The following TRMT11 variants were observed in gnomAD, a reference collection of about 807,000 sequenced individuals.
The protein encoded by TRMT11 is tRNA (guanine(10)-N(2))-methyltransferase TRMT11.
Under a neutral mutation model 62.8 loss-of-function variants are expected in TRMT11, and 53 were observed. That is an observed-to-expected ratio of 0.84 (90% CI 0.68 to 1.06). The LOEUF (loss-of-function observed/expected upper bound fraction) is 1.06, where lower values mean the gene tolerates loss of function less well. TRMT11 is among the 50% of genes least tolerant of loss of function. The probability of loss-of-function intolerance (pLI) is 0.00; values close to 1 mark genes in which losing one functional copy is unlikely to be tolerated. For synonymous variants in TRMT11, 188 were observed against 190.3 expected, an observed-to-expected ratio of 0.99 and a Z score of 0.10; for missense variants, 556 against 553.4, an observed-to-expected ratio of 1.00 and a Z score of -0.05.
At chr6:126,054,691 T>TCTTGGATCA (rs1316436441) in intron 17 of TRMT11, among the ~76,000 whole-genome samples, 1 of 152,218 alleles carries the variant, frequency 6.6e-6, no homozygotes. Flanking sequence ...AAATGAGCTG[T>TCTTGGATCA]TGAAGTGTCA....
At chr6:126,252,300 G>A in the TRMT11 span, among the ~76,000 whole-genome samples, 2 of 152,138 alleles carry the variant, frequency 1.3e-5, no homozygotes, top group African/African-American at 4.8e-5. Flanking sequence ...GATGACTGAG[G>A]GTCAGGTTCA....
intron 21 of TRMT11, among the ~76,000 whole-genome samples, chr6:126,129,105 A>G (rs544829891): frequency 1.4e-4 from 22 of 152,170 alleles, no homozygotes; most frequent in African/African-American, 5.1e-4. Flanking sequence ...TCATTTATAA[A>G]ATGAAGAAGC....
chr6:126,206,866 T>A (rs2128255213), downstream of TRMT11, among the ~76,000 whole-genome samples: 1 of 152,350 alleles, frequency 6.6e-6, no homozygotes, highest in East Asian at 1.9e-4. Context: ...TTTTCTTGAA[T>A]GCAACAAGGT....
chr6:126,054,127 C>G (rs1171326878), intron 17 of TRMT11, among the ~76,000 whole-genome samples: 1 of 152,188 alleles, frequency 6.6e-6, no homozygotes, highest in Admixed American at 6.5e-5. Flanking sequence ...CTCCTCTCCC[C>G]TTTGGTAATG....
chr6:126,113,112 C>A (rs1286986747), intron 18 of TRMT11, among the ~76,000 whole-genome samples: 3 of 152,030 alleles, frequency 2.0e-5, no homozygotes, highest in Non-Finnish European at 4.4e-5. Flanking sequence ...AAGCAAACAA[C>A]CATGATACAA....
At chr6:126,237,310 C>A in the TRMT11 span, among the ~76,000 whole-genome samples, 1 of 152,150 alleles carries the variant, frequency 6.6e-6, no homozygotes, top group African/African-American at 2.4e-5. Context: ...CTTAAAAATT[C>A]TTTCCGTCTA....
chr6:126,153,264 G>A (rs1310086289), intron 21 of TRMT11, among the ~76,000 whole-genome samples: 1 of 151,990 alleles, frequency 6.6e-6, no homozygotes, highest in Admixed American at 6.6e-5. Context: ...TTTTAAAAGG[G>A]CTAATAACTT....
At chr6:126,257,955 C>T in the TRMT11 span, 9 of 1,557,504 alleles carry the variant, frequency 5.8e-6, no homozygotes, top group South Asian at 1.1e-5. Flanking sequence ...CTTCTGCATG[C>T]CCCGGATCTT....
intron 18 of TRMT11, among the ~76,000 whole-genome samples, chr6:126,114,128 C>CT (rs1777562695): frequency 6.6e-6 from 1 of 152,108 alleles, no homozygotes; most frequent in Non-Finnish European, 1.5e-5. Flanking sequence ...TTGCATGAAA[C>CT]TTGAATCAGC....
chr6:126,163,263 C>T (rs568828019), intron 21 of TRMT11, among the ~76,000 whole-genome samples: 2 of 152,118 alleles, frequency 1.3e-5, no homozygotes, highest in Non-Finnish European at 2.9e-5. Flanking sequence ...GAGTTTTTAG[C>T]GTGAAGGGGT....
Position 125,998,206 on chromosome 6 carries a change from A to G in TRMT11, c.295-17A>G. 11 of 1,596,966 alleles carry G rather than the reference A, an allele frequency of 6.9e-6. No homozygotes were observed. Among genetic ancestry groups the G allele is most frequent in the Non-Finnish European group, 9.4e-6 (11 of 1,165,288 alleles). Reference sequence around the variant, plus strand: ...TAGAATTAAAATACTCAAAAAACTGATTTCCTTTTATTTTAGGTTCCATTT... The same window carrying G: ...TAGAATTAAAATACTCAAAAAACTGGTTTCCTTTTATTTTAGGTTCCATTT... On this transcript the variant is annotated splice_polypyrimidine_tract_variant and intron_variant, in intron 4 of 12. Transcript: ENST00000334379.
At chr6:126,212,158 A>G in the TRMT11 span, among the ~76,000 whole-genome samples, 1 of 152,168 alleles carries the variant, frequency 6.6e-6, no homozygotes, top group South Asian at 2.1e-4. Flanking sequence ...CATTTTCTTT[A>G]TCCATTTGTC....
At chr6:126,107,351 C>T (rs1232331022) in intron 17 of TRMT11, among the ~76,000 whole-genome samples, 2 of 152,090 alleles carry the variant, frequency 1.3e-5, no homozygotes, top group South Asian at 2.1e-4. Context: ...CTGAAATACT[C>T]GAAAATCAAG....
intron 17 of TRMT11, among the ~76,000 whole-genome samples, chr6:126,094,820 A>G (rs923177907): frequency 3.9e-5 from 6 of 152,052 alleles, no homozygotes; most frequent in Non-Finnish European, 5.9e-5. Context: ...TTATGTGGAG[A>G]TTTTTCAAAG....
chr6:126,253,169 G>A, the TRMT11 span, among the ~76,000 whole-genome samples: 4 of 151,996 alleles, frequency 2.6e-5, no homozygotes, highest in Non-Finnish European at 4.4e-5. Context: ...AGGAGCAGTG[G>A]CTCATGCCTG....
chr6:126,231,076 G>A, the TRMT11 span, among the ~76,000 whole-genome samples: 1 of 152,130 alleles, frequency 6.6e-6, no homozygotes, highest in Non-Finnish European at 1.5e-5. Flanking sequence ...TATAATAGGA[G>A]CTAGCACATT....
chr6:126,081,596 G>T lies in TRMT11; in HGVS notation c.*1437+28406G>T, dbSNP rs373440181. Among the ~76,000 whole-genome samples, 12 of 152,196 alleles carry T rather than the reference G, an allele frequency of 7.9e-5. No individual in the cohort carries two copies. The East Asian group carries it at 1.4e-3, about 17-fold the overall frequency. On this transcript the variant is annotated intron_variant and NMD_transcript_variant, in intron 17 of 22. Transcript: ENST00000648977. ...TCTGGAGTAAGGGGATAAGTTTCTG[G>T]ATCTAACACCATCTACCATGAATAA...
At chr6:126,162,591 C>A (rs556134162) in intron 21 of TRMT11, among the ~76,000 whole-genome samples, 1 of 152,102 alleles carries the variant, frequency 6.6e-6, no homozygotes, top group African/African-American at 2.4e-5. Context: ...TTTTGTAATT[C>A]GGTGAAGAAA....
the TRMT11 span, among the ~76,000 whole-genome samples, chr6:126,259,363 A>G: frequency 6.6e-6 from 1 of 152,052 alleles, no homozygotes; most frequent in East Asian, 1.9e-4. Flanking sequence ...CGCTTGGATA[A>G]TTTTTGCATT....
Sources: gnomAD v4.1 joint callset for allele counts (sites outside exome capture counted in the v4.1 genomes callset) on GRCh38, gnomAD v4.1.1 for gene constraint, MANE v1.5 for transcripts, NCBI Gene and HGNC (gene_info 2026-07-23, HGNC 2026-07-21) for gene names.